The following AMPH variants were observed in gnomAD, a reference collection of about 807,000 sequenced individuals.
The protein encoded by AMPH is amphiphysin.
Under a neutral mutation model 99.1 loss-of-function variants are expected in AMPH, and 49 were observed. That is an observed-to-expected ratio of 0.49 (90% CI 0.39 to 0.63). The LOEUF is 0.63. Ranked by LOEUF, AMPH falls within the 20% of genes least tolerant of loss-of-function variation. The pLI, the probability that AMPH is intolerant of heterozygous loss-of-function variation, is 0.00. For missense variants in AMPH, 759 were observed against 863.4 expected, an observed-to-expected ratio of 0.88 and a Z score of 1.52; for synonymous variants, 314 against 317.3, an observed-to-expected ratio of 0.99 and a Z score of 0.11.
chr7:38,426,108 G>T (rs1487194384), intron 15 of AMPH, among the ~76,000 whole-genome samples: 2 of 152,112 alleles, frequency 1.3e-5, no homozygotes, highest in African/African-American at 4.8e-5. Context: ...TTTAAATACA[G>T]AATTCTATTT....
chr7:38,622,365 G>C (rs1794100454), intron 1 of AMPH, among the ~76,000 whole-genome samples: 2 of 151,812 alleles, frequency 1.3e-5, no homozygotes, highest in Admixed American at 6.6e-5. Flanking sequence ...TTTCTCCTAA[G>C]GTACTTCACA....
In AMPH at chr7:38,489,695, G is replaced by C. The variant is rs1788648317; in HGVS notation, c.396+1355C>G. On this transcript the variant is annotated intron_variant, in intron 5 of 20. Coordinates refer to ENST00000356264, the MANE Select transcript of AMPH (RefSeq NM_001635.4). ...CAATAGAAAAAATAACTAATAATCT[G>C]ACTTAAAAATCGGCAATGGACTAGA... Among the ~76,000 whole-genome samples the C allele has an allele frequency of 3.3e-5, 5 of 151,982 alleles. No individual in the cohort carries two copies. The South Asian group carries it at 1.0e-3, about 32-fold the overall frequency.
At position 38,392,377 on chromosome 7, in the gene AMPH, C is replaced by CTT. The variant is rs574057389; in HGVS notation, c.1609-362_1609-361dup. Among the ~76,000 whole-genome samples, 277 of 42,042 alleles carry CTT rather than the reference C, an allele frequency of 6.6e-3. 54 individuals are homozygous for CTT. Among genetic ancestry groups the CTT allele is most frequent in the African/African-American group, 0.028 (259 of 9,242 alleles). 27.6% of individuals were successfully genotyped at this position (42,042 alleles called of 152,430 possible). The stretch of plus-strand genomic sequence containing the variant: ...GGAGTCAATGCAGGCCGGCCTGGTT[C>CTT]TTTTTTTTTTTTTTTTTTTTTTTTT... On this transcript the variant is annotated intron_variant, in intron 18 of 20. Coordinates refer to ENST00000356264, the MANE Select transcript of AMPH (RefSeq NM_001635.4).
chr7:38,517,574 T>C (rs1789797910), intron 2 of AMPH, among the ~76,000 whole-genome samples: 1 of 152,206 alleles, frequency 6.6e-6, no homozygotes, highest in Non-Finnish European at 1.5e-5. Context: ...TAGTTCTTTA[T>C]AGCAGTGTGA....
At chr7:38,406,724 CCCTTTCCCT>C (rs1401750613) in intron 17 of AMPH, among the ~76,000 whole-genome samples, 1,079 of 86,368 alleles carry the variant, frequency 0.012, 16 homozygotes, top group Non-Finnish European at 0.019. Context: ...CTCTCTCTCT[CCCTTTCCCT>C]CTCTCTCTCT....
intron 1 of AMPH, among the ~76,000 whole-genome samples, chr7:38,612,539 C>T (rs73692926): frequency 0.08 from 12,173 of 152,148 alleles, 799 homozygotes; most frequent in African/African-American, 0.17. Flanking sequence ...CTCAGAAACA[C>T]TGATATGGAT....
At chr7:38,483,491 G>A (rs1422045498) in intron 5 of AMPH, among the ~76,000 whole-genome samples, 1 of 152,072 alleles carries the variant, frequency 6.6e-6, no homozygotes, top group Non-Finnish European at 1.5e-5. Flanking sequence ...TACAACCTTT[G>A]GGGGCTTCCC....
intron 11 of AMPH, among the ~76,000 whole-genome samples, chr7:38,441,675 C>A (rs1220679530): frequency 1.3e-5 from 2 of 150,332 alleles, no homozygotes; most frequent in African/African-American, 4.9e-5. Context: ...TTCACAACAG[C>A]AAAGACATGG....
At chr7:38,498,785 T>C (rs1789023566) in intron 3 of AMPH, among the ~76,000 whole-genome samples, 1 of 152,228 alleles carries the variant, frequency 6.6e-6, no homozygotes, top group Non-Finnish European at 1.5e-5. Flanking sequence ...ACAATGACTC[T>C]CCTGTCTATT....
In AMPH at chr7:38,391,925, C is replaced by A; in HGVS notation, c.1701G>T (p.Glu567Asp). 6.2e-7 allele frequency: 1 copy of A among 1,612,598 alleles called. No individual in the cohort carries two copies. Among genetic ancestry groups the A allele is most frequent in the Non-Finnish European group, 8.5e-7 (1 of 1,179,910 alleles). Reference protein sequence around the residue: ...NEITIGAEPKETTEDAAPPGP... With the variant: ...NEITIGAEPKDTTEDAAPPGP... ...CCGGAGGAGCCGCGTCCTCGGTGGT[C>A]TCCTTGGGCTCTGCACCTATAGTTA... Residue 567 changes from glutamate (E) to aspartate (D), a missense_variant, in exon 19 of 21, where the codon GAG becomes GAT. By Grantham distance (45) the Glu-to-Asp change is conservative. Around this residue, in one of 2 missense-constraint regions of AMPH, gnomAD observed 554 missense variants for 575.6 expected, o/e 0.96. Transcript: ENST00000356264.
At chr7:38,565,077 TCG>T (rs1791686671) in intron 1 of AMPH, among the ~76,000 whole-genome samples, 5 of 147,536 alleles carry the variant, frequency 3.4e-5, no homozygotes, top group South Asian at 2.1e-4. Flanking sequence ...TGAGCCGAGA[TCG>T]TGCCACTGCA....
At chr7:38,463,252 G>T in intron 9 of AMPH, 139 bp from the exon 10 acceptor site, 1 of 1,121,654 alleles carries the variant, frequency 8.9e-7, no homozygotes, top group Non-Finnish European at 1.3e-6. Flanking sequence ...GGTTAATTCT[G>T]GTTAATTGCA....
intron 1 of AMPH, among the ~76,000 whole-genome samples, chr7:38,565,073 G>A (rs1195938135): frequency 9.3e-5 from 14 of 150,052 alleles, no homozygotes; most frequent in African/African-American, 2.0e-4. Context: ...GCAGTGAGCC[G>A]AGATCGTGCC....
At chr7:38,394,423 T>C (rs1250127439) in intron 17 of AMPH, among the ~76,000 whole-genome samples, 1 of 152,180 alleles carries the variant, frequency 6.6e-6, no homozygotes, top group African/African-American at 2.4e-5. Context: ...AATTCTACAC[T>C]CCTCAGCTTT....
In AMPH at chr7:38,432,212, T is replaced by A. The variant is rs771732083; in HGVS notation, c.1135A>T (p.Thr379Ser). Residue 379 changes from threonine (T) to serine (S), a missense_variant and splice_region_variant, in exon 13 of 21, where the codon ACA (threonine) becomes TCA (serine). By Grantham distance (58) the Thr-to-Ser change is moderately conservative. Transcript: ENST00000356264. ...ACCGTCCATAGGTCCCAGGGCAATG[T>A]CTGAAAGCAAATAAACAAAAATACT... Reference protein sequence around the residue: ...AGVTHSPMSQTLPWDLWTTST... With the variant: ...AGVTHSPMSQSLPWDLWTTST... 104 of 1,612,524 alleles carry A rather than the reference T, an allele frequency of 6.4e-5. No homozygotes were observed. The highest frequency in any genetic ancestry group is 8.2e-5 in the Non-Finnish European group (97 of 1,178,690).
intron 1 of AMPH, among the ~76,000 whole-genome samples, chr7:38,546,801 G>A (rs893413): frequency 0.47 from 71,593 of 151,968 alleles, 16,954 homozygotes; most frequent in Admixed American, 0.51. Flanking sequence ...ATTGCATTTC[G>A]CTAGCTATTT....
intron 1 of AMPH, among the ~76,000 whole-genome samples, chr7:38,551,484 T>C (rs959887794): frequency 1.3e-5 from 2 of 152,194 alleles, no homozygotes; most frequent in Admixed American, 1.3e-4. Flanking sequence ...TTCCTTTCCC[T>C]CCTCACCTCC....
In AMPH at chr7:38,422,437, C is replaced by T. The variant is rs1458024151; in HGVS notation, c.1256G>A (p.Ser419Asn). 6.2e-7 allele frequency: 1 copy of T among 1,613,454 alleles called. No homozygotes were observed. Among genetic ancestry groups the T allele is most frequent in the African/African-American group, 1.3e-5 (1 of 74,882 alleles). ...TSLFTMQTDQ[S>N]MICNLAESEQ... ...TCAACTTACCAAGTTGCAGATCATA[C>T]TCTGGTCTGTCTGCATTGTGAATAA... The change falls in exon 16 of 21, where the codon AGT (serine) becomes AAT (asparagine). Residue 419 changes from serine to asparagine, a missense_variant. By Grantham distance (46) the Ser-to-Asn change is conservative. This residue lies in a region of AMPH where 554 missense variants were observed against 575.6 expected (regional missense o/e 0.96). Transcript: ENST00000356264.
chr7:38,479,106 G>A (rs1012612349), intron 5 of AMPH, among the ~76,000 whole-genome samples: 1 of 151,874 alleles, frequency 6.6e-6, no homozygotes, highest in African/African-American at 2.4e-5. Flanking sequence ...AAGTATAGAT[G>A]CAAGAAACTC....
Sources: allele counts gnomAD v4.1 joint callset (sites outside exome capture counted in the v4.1 genomes callset), GRCh38; gene constraint gnomAD v4.1.1; regional missense constraint gnomAD v4.1.1; transcripts MANE v1.5; gene names NCBI Gene and HGNC (gene_info 2026-07-23, HGNC 2026-07-21).